The following BRINP2 variants were observed in gnomAD, a reference collection of about 807,000 sequenced individuals.
BRINP2 encodes BMP/retinoic acid inducible neural specific 2.
Under a neutral mutation model 69.2 loss-of-function variants are expected in BRINP2, and 21 were observed. The ratio of observed to expected loss-of-function variants is 0.30; its 90% CI spans 0.22 to 0.44. BRINP2 has a LOEUF of 0.44. Among genes scored for constraint, BRINP2 ranks in the 20% least tolerant of loss-of-function variants. BRINP2 has a pLI of 1.00. For synonymous variants in BRINP2, 380 were observed against 394.1 expected (o/e 0.96, Z 0.42); for missense variants, 877 against 986.0 (o/e 0.89, Z 1.48).
chr1:177,266,758 TAAAAAAAA>T (rs1223096305), intron 4 of BRINP2, among the ~76,000 whole-genome samples: 1 of 59,344 alleles, frequency 1.7e-5, no homozygotes, highest in Non-Finnish European at 3.3e-5. Flanking sequence ...AGACTCACTC[TAAAAAAAA>T]AAAAAAAAAA....
chr1:177,237,329 G>C (rs191049078), intron 2 of BRINP2, among the ~76,000 whole-genome samples: 306 of 152,330 alleles, frequency 2.0e-3, no homozygotes, highest in African/African-American at 7.2e-3. Flanking sequence ...AGTCCAGTTT[G>C]AGTGACAGCA....
intron 1 of BRINP2, among the ~76,000 whole-genome samples, chr1:177,181,079 A>C (rs1571882684): frequency 6.6e-6 from 1 of 152,204 alleles, no homozygotes; most frequent in East Asian, 1.9e-4. Context: ...TTTGAAGATG[A>C]AAAAATAAAA....
chr1:177,241,162 C>T (rs1262587444), intron 2 of BRINP2, among the ~76,000 whole-genome samples: 2 of 151,912 alleles, frequency 1.3e-5, no homozygotes, highest in African/African-American at 2.4e-5. Context: ...TAGTAGAGAC[C>T]GGGTTTCACC....
chr1:177,280,162 T>C (rs111560802), intron 7 of BRINP2, among the ~76,000 whole-genome samples: 6 of 152,364 alleles, frequency 3.9e-5, no homozygotes, highest in African/African-American at 1.4e-4. Context: ...TTGGGAGAGA[T>C]GAGCCTTGTT....
intron 6 of BRINP2, among the ~76,000 whole-genome samples, chr1:177,276,688 A>G (rs1439791816): frequency 6.6e-6 from 1 of 152,212 alleles, no homozygotes; most frequent in African/African-American, 2.4e-5. Context: ...GATAAACATA[A>G]TTAAGGGCAC....
chr1:177,190,194 C>T (rs1571888107), intron 1 of BRINP2, among the ~76,000 whole-genome samples: 1 of 152,186 alleles, frequency 6.6e-6, no homozygotes, highest in African/African-American at 2.4e-5. Flanking sequence ...GGCAACCCTC[C>T]ATAAGTCTCT....
intron 1 of BRINP2, among the ~76,000 whole-genome samples, chr1:177,196,177 A>G (rs958454489): frequency 5.9e-5 from 9 of 152,224 alleles, no homozygotes; most frequent in Admixed American, 4.6e-4. Context: ...GTGCATTTTA[A>G]CGGATTGCAT....
At chr1:177,222,285 A>T (rs1474284539) in intron 1 of BRINP2, among the ~76,000 whole-genome samples, 1 of 152,092 alleles carries the variant, frequency 6.6e-6, no homozygotes, top group African/African-American at 2.4e-5. Context: ...AACACACAGC[A>T]CTCACCATGG....
At chr1:177,206,165 A>G (rs1008792998) in intron 1 of BRINP2, among the ~76,000 whole-genome samples, 1 of 152,032 alleles carries the variant, frequency 6.6e-6, no homozygotes, top group Non-Finnish European at 1.5e-5. Flanking sequence ...ACAATGAACC[A>G]CCCTAGACCT....
At chr1:177,209,234 A>G (rs1649155019) in intron 1 of BRINP2, among the ~76,000 whole-genome samples, 2 of 152,100 alleles carry the variant, frequency 1.3e-5, no homozygotes, top group Non-Finnish European at 2.9e-5. Context: ...AAAGAAAAAG[A>G]AAAAAAGATC....
At chr1:177,198,882 C>T (rs1648822478) in intron 1 of BRINP2, among the ~76,000 whole-genome samples, 1 of 152,146 alleles carries the variant, frequency 6.6e-6, no homozygotes, top group African/African-American at 2.4e-5. Context: ...AGAGAAGAGC[C>T]ACTTTTACTT....
chr1:177,219,393 A>C (rs1307193064), intron 1 of BRINP2, among the ~76,000 whole-genome samples: 1 of 152,234 alleles, frequency 6.6e-6, no homozygotes, highest in Non-Finnish European at 1.5e-5. Context: ...GGTGTCTTGG[A>C]CTATGCTACA....
intron 1 of BRINP2, among the ~76,000 whole-genome samples, chr1:177,187,643 G>A (rs935606435): frequency 1.1e-4 from 17 of 152,112 alleles, no homozygotes; most frequent in Admixed American, 8.5e-4. Flanking sequence ...CATGAAGGCC[G>A]CTCAACCACT....
At chr1:177,267,181 T>G (rs1463463666) in intron 4 of BRINP2, among the ~76,000 whole-genome samples, 1 of 152,242 alleles carries the variant, frequency 6.6e-6, no homozygotes, top group Non-Finnish European at 1.5e-5. Flanking sequence ...TAAGAATAGT[T>G]TATTAAGAGA....
chr1:177,202,309 G>T (rs904299914), intron 1 of BRINP2, among the ~76,000 whole-genome samples: 23 of 152,072 alleles, frequency 1.5e-4, no homozygotes, highest in African/African-American at 4.8e-4. Context: ...GTCAATTTTA[G>T]ATCTTTCCTG....
intron 6 of BRINP2, among the ~76,000 whole-genome samples, chr1:177,277,952 A>T (rs1651553635): frequency 1.3e-5 from 2 of 152,176 alleles, no homozygotes; most frequent in African/African-American, 2.4e-5. Flanking sequence ...GGTTGCTTCT[A>T]AATTTGCTGT....
chr1:177,206,266 C>T (rs1649068461), intron 1 of BRINP2, among the ~76,000 whole-genome samples: 1 of 152,162 alleles, frequency 6.6e-6, no homozygotes, highest in Non-Finnish European at 1.5e-5. Context: ...GTTAGAGCCA[C>T]CCAAATTTCT....
At chr1:177,194,920 A>T (rs1648699490) in intron 1 of BRINP2, among the ~76,000 whole-genome samples, 2 of 152,160 alleles carry the variant, frequency 1.3e-5, no homozygotes, top group South Asian at 4.1e-4. Flanking sequence ...TTGTTAAGAC[A>T]TCACCTTCCG....
chr1:177,180,300 T>C (rs1214273467), intron 1 of BRINP2, among the ~76,000 whole-genome samples: 2 of 152,290 alleles, frequency 1.3e-5, no homozygotes, highest in Admixed American at 1.3e-4. Context: ...GGCTCTGAGG[T>C]TCAATGGGGT....
Sources: gnomAD v4.1 joint callset for allele counts (sites outside exome capture counted in the v4.1 genomes callset) on GRCh38, gnomAD v4.1.1 for gene constraint, MANE v1.5 for transcripts, NCBI Gene and HGNC (gene_info 2026-07-23, HGNC 2026-07-21) for gene names.